The following PDE4DIP variants were observed in gnomAD, a reference collection of about 807,000 sequenced individuals.
PDE4DIP encodes myomegalin.
In PDE4DIP, 59 loss-of-function variants were observed where a neutral mutation model predicts 221.4. The ratio of observed to expected loss-of-function variants is 0.27; its 90% confidence interval spans 0.22 to 0.33. The LOEUF (loss-of-function observed/expected upper bound fraction) is 0.33. Ranked by LOEUF, PDE4DIP falls within the 10% of genes least tolerant of loss-of-function variation. The probability of loss-of-function intolerance (pLI) is 1.00; values close to 1 mark genes in which losing one functional copy is unlikely to be tolerated. For missense variants in PDE4DIP, 1,036 were observed against 2,154.2 expected, an observed-to-expected ratio of 0.48 and a Z score of 10.28; for synonymous variants, 404 against 815.9, an observed-to-expected ratio of 0.50 and a Z score of 8.60.
intron 23 of PDE4DIP, among the ~76,000 whole-genome samples, chr1:149,001,192 T>A: frequency 6.6e-6 from 1 of 152,378 alleles, no homozygotes; most frequent in African/African-American, 2.4e-5. Context: ...TGACTGATGA[T>A]AAATAATAGA....
chr1:148,821,050 A>C (rs1410679056), intron 1 of PDE4DIP, among the ~76,000 whole-genome samples: 1 of 149,798 alleles, frequency 6.7e-6, no homozygotes, highest in African/African-American at 2.5e-5. Flanking sequence ...ACGGGGTTTC[A>C]CCGTGTTAGC....
At chr1:148,983,973 C>T (rs1553546536) in intron 21 of PDE4DIP, 1 of 151,944 alleles carries the variant, frequency 6.6e-6, no homozygotes, top group East Asian at 1.9e-4. Context: ...TAGATGAAGT[C>T]TGTAGGTTTT....
At chr1:149,023,015 T>G (rs1194782633) in intron 37 of PDE4DIP, among the ~76,000 whole-genome samples, 1 of 152,280 alleles carries the variant, frequency 6.6e-6, no homozygotes, top group Non-Finnish European at 1.5e-5. Flanking sequence ...GAGAGGAACA[T>G]CATAAAACTT....
intron 1 of PDE4DIP, among the ~76,000 whole-genome samples, chr1:148,911,097 T>C (rs1458187754): frequency 7.9e-5 from 8 of 101,792 alleles, no homozygotes; most frequent in Admixed American, 4.1e-4. Flanking sequence ...TATGCATCCA[T>C]TAAAAGAATG....
chr1:148,911,824 T>C (rs1462743163), intron 1 of PDE4DIP, among the ~76,000 whole-genome samples: 16 of 149,272 alleles, frequency 1.1e-4, no homozygotes, highest in Non-Finnish European at 2.1e-4. Context: ...TTCCTTGAAG[T>C]CACCTAGTGT....
chr1:149,001,804 C>T (rs377365076), exon 24 of PDE4DIP: 17 of 1,464,606 alleles, frequency 1.2e-5, no homozygotes, highest in Non-Finnish European at 1.4e-5. Context: ...ATATCATCAA[C>T]CTCCTCAAAG....
intron 1 of PDE4DIP, among the ~76,000 whole-genome samples, chr1:148,918,367 T>C (rs1405812798): frequency 3.0e-5 from 2 of 66,628 alleles, no homozygotes; most frequent in Non-Finnish European, 6.1e-5. Context: ...CAGCTGATTC[T>C]CGGTTCTCTT....
chr1:149,032,107 T>G (rs374466865), exon 44 of PDE4DIP: 2 of 1,586,046 alleles, frequency 1.3e-6, no homozygotes, highest in Non-Finnish European at 1.7e-6. Flanking sequence ...CTGGGCCTCA[T>G]TCCTCCAAGT....
chr1:148,979,427 TA>T (rs1465265672), intron 19 of PDE4DIP, among the ~76,000 whole-genome samples: 1 of 152,230 alleles, frequency 6.6e-6, no homozygotes, highest in Non-Finnish European at 1.5e-5. Context: ...TAGTAAGTCC[TA>T]TTATATACAT....
chr1:149,030,546 G>T (rs144314008), intron 43 of PDE4DIP: 3 of 895,294 alleles, frequency 3.4e-6, no homozygotes, highest in Non-Finnish European at 4.0e-6. Flanking sequence ...TCTTCTTTGA[G>T]GCCAAGTTCA....
chr1:148,844,526 G>C, intron 1 of PDE4DIP: 1 of 107,958 alleles, frequency 9.3e-6, no homozygotes, highest in Non-Finnish European at 1.9e-5. Context: ...TCTGAGTCCA[G>C]CCTCCTACTG....
intron 19 of PDE4DIP, 98 bp from the exon 23 acceptor site, chr1:148,979,639 G>A (rs2060763762): frequency 9.7e-7 from 1 of 1,033,694 alleles, no homozygotes; most frequent in Admixed American, 1.9e-5. Flanking sequence ...AAGATAGTGG[G>A]CTTTTTAAGT....
At chr1:148,963,973 T>C (rs1270501916) in intron 9 of PDE4DIP, among the ~76,000 whole-genome samples, 8 of 151,756 alleles carry the variant, frequency 5.3e-5, no homozygotes, top group Non-Finnish European at 1.5e-5. Flanking sequence ...TTAGCCAGGA[T>C]GGTCTCGATG....
exon 44 of PDE4DIP, chr1:149,032,417 C>A (rs2076956246): frequency 2.2e-6 from 1 of 449,422 alleles, no homozygotes; most frequent in African/African-American, 1.9e-5. Flanking sequence ...GCTGGAGCTC[C>A]TCTGGCAGGT....
chr1:148,977,860 T>C, intron 17 of PDE4DIP, 77 bp from the exon 21 acceptor site: 1 of 1,568,930 alleles, frequency 6.4e-7, no homozygotes. Flanking sequence ...TACTGGCTGA[T>C]AGTAATAGGA....
intron 21 of PDE4DIP, among the ~76,000 whole-genome samples, chr1:148,986,863 C>A (rs1361252847): frequency 6.6e-6 from 1 of 152,132 alleles, no homozygotes. Flanking sequence ...ATAAAAGAGA[C>A]CATGAGCAGG....
At chr1:148,978,182 T>C in intron 18 of PDE4DIP, 96 bp from the exon 22 acceptor site, 1 of 1,306,108 alleles carries the variant, frequency 7.7e-7, no homozygotes, top group Non-Finnish European at 1.1e-6. Context: ...CTTGAAAGTA[T>C]AGGCAGAATA....
At chr1:148,981,281 A>T in exon 21 of PDE4DIP, 1 of 1,613,384 alleles carries the variant, frequency 6.2e-7, no homozygotes, top group South Asian at 1.1e-5. Flanking sequence ...TCTGAGAGAG[A>T]CCGAACTCTG....
At chr1:148,981,973 A>C (rs1251712961) in intron 21 of PDE4DIP, 5 of 156,162 alleles carry the variant, frequency 3.2e-5, no homozygotes, top group African/African-American at 1.2e-4. Context: ...TCCTTATCAG[A>C]AGGTAATCAA....
Sources: gnomAD v4.1 joint callset for allele counts (sites outside exome capture counted in the v4.1 genomes callset) on GRCh38, gnomAD v4.1.1 for gene constraint, MANE v1.5 for transcripts, NCBI Gene and HGNC (gene_info 2026-07-23, HGNC 2026-07-21) for gene names.